SPIN1: variants seen among roughly 807,000 people sequenced by gnomAD.
The protein encoded by SPIN1 is spindlin-1.
In SPIN1, 3 loss-of-function variants were observed where a neutral mutation model predicts 26.0. The ratio of observed to expected loss-of-function variants is 0.12; its 90% confidence interval spans 0.05 to 0.30. SPIN1 has a LOEUF of 0.30. SPIN1 is among the 10% of genes least tolerant of loss of function. The probability of loss-of-function intolerance (pLI) is 1.00; values close to 1 mark genes in which losing one functional copy is unlikely to be tolerated. For synonymous variants in SPIN1, 101 were observed against 116.5 expected, an observed-to-expected ratio of 0.87 and a Z score of 0.86; for missense variants, 126 against 333.4, an observed-to-expected ratio of 0.38 and a Z score of 4.84.
chr9:88,396,055 C>T (rs1430007268), intron 1 of SPIN1, among the ~76,000 whole-genome samples: 1 of 146,322 alleles, frequency 6.8e-6, no homozygotes, highest in African/African-American at 2.5e-5. Flanking sequence ...TCAAAAACAA[C>T]AGCAACAACA....
intron 2 of SPIN1, among the ~76,000 whole-genome samples, chr9:88,439,229 A>G (rs1249887958): frequency 5.3e-5 from 8 of 152,180 alleles, no homozygotes; most frequent in Admixed American, 2.6e-4. Context: ...ATGGTATGCT[A>G]TATTTTTTAC....
chr9:88,474,923 C>A (rs1156328344), intron 5 of SPIN1, among the ~76,000 whole-genome samples, 155 bp from the exon 6 acceptor site: 1 of 151,824 alleles, frequency 6.6e-6, no homozygotes, highest in African/African-American at 2.4e-5. Flanking sequence ...TTTACGAAAA[C>A]GTTTGCTGAC....
chr9:88,443,378 C>G (rs1013331712), intron 2 of SPIN1, among the ~76,000 whole-genome samples: 1 of 152,158 alleles, frequency 6.6e-6, no homozygotes, highest in African/African-American at 2.4e-5. Flanking sequence ...CTCTTTGCTT[C>G]TGTTAAAGTG....
At chr9:88,435,262 C>T (rs1471335922) in intron 2 of SPIN1, among the ~76,000 whole-genome samples, 1 of 151,298 alleles carries the variant, frequency 6.6e-6, no homozygotes, top group African/African-American at 2.4e-5. Context: ...GTCACCCAGG[C>T]TGGAGAGCAG....
At chr9:88,419,510 A>C (rs553562605) in intron 1 of SPIN1, among the ~76,000 whole-genome samples, 3 of 152,294 alleles carry the variant, frequency 2.0e-5, no homozygotes, top group South Asian at 4.1e-4. Context: ...CTTGCTGAGA[A>C]GAAAAAAAAG....
At chr9:88,454,219 C>G (rs1311247459) in intron 3 of SPIN1, among the ~76,000 whole-genome samples, 1 of 151,914 alleles carries the variant, frequency 6.6e-6, no homozygotes, top group African/African-American at 2.4e-5. Context: ...AGACTCTTTC[C>G]CAAGAAAATA....
rs372801613 is a variant in SPIN1, at chr9:88,459,481, C to G, written c.102-3015C>G. Among the ~76,000 whole-genome samples, 3 of 152,020 alleles carry G rather than the reference C, an allele frequency of 2.0e-5. No individual in the cohort carries two copies. The East Asian group carries it at 5.8e-4, about 29-fold the overall frequency. ...ATATATATTGGTTCCTTACTGTGAA[C>G]AATACTGAATTTAGCTCTTTGTCAT... On this transcript the variant is annotated intron_variant, in intron 3 of 5. Coordinates refer to ENST00000375859, the MANE Select transcript of SPIN1 (RefSeq NM_006717.3).
chr9:88,396,113 G>A (rs1226824209), intron 1 of SPIN1, among the ~76,000 whole-genome samples: 1 of 150,884 alleles, frequency 6.6e-6, no homozygotes, highest in African/African-American at 2.4e-5. Context: ...GCCAGGCATG[G>A]TGGCCTGCGC....
At chr9:88,469,045 T>C (rs1011167711) in intron 5 of SPIN1, among the ~76,000 whole-genome samples, 2 of 152,206 alleles carry the variant, frequency 1.3e-5, no homozygotes, top group Non-Finnish European at 2.9e-5. Context: ...ATACTTGAAC[T>C]TCAGAGCAGC....
chr9:88,463,804 A>G (rs1158327458), intron 4 of SPIN1, among the ~76,000 whole-genome samples: 3 of 152,160 alleles, frequency 2.0e-5, no homozygotes, highest in Non-Finnish European at 2.9e-5. Context: ...GTTATTTTCA[A>G]CATTCTCATC....
chr9:88,411,984 G>A (rs1827457393), intron 1 of SPIN1, among the ~76,000 whole-genome samples: 1 of 150,902 alleles, frequency 6.6e-6, no homozygotes, highest in Non-Finnish European at 1.5e-5. Context: ...ATCCTGGCTA[G>A]TGCGGTGAAA....
intron 3 of SPIN1, among the ~76,000 whole-genome samples, chr9:88,451,641 A>G (rs1019004990): frequency 4.6e-5 from 7 of 152,026 alleles, no homozygotes; most frequent in Non-Finnish European, 8.8e-5. Flanking sequence ...GTTCACTGCA[A>G]CCTCCACCTC....
rs1294049382 is a variant in SPIN1, at chr9:88,388,783, G to A, written c.-159+245G>A. ...TTTGTTCGCCGGCCCCTACTCCTCC[G>A]TGCCCCCATCCCCGCCGCCCCCCGC... On this transcript the variant is annotated intron_variant, in intron 1 of 5. Transcript: ENST00000375859. Among the ~76,000 whole-genome samples, 4 of 149,878 alleles carry A rather than the reference G, an allele frequency of 2.7e-5. No individual in the cohort carries two copies. In the East Asian group the frequency reaches 5.9e-4, roughly 22 times the overall value.
intron 1 of SPIN1, among the ~76,000 whole-genome samples, chr9:88,395,849 A>C (rs1473025350): frequency 6.6e-6 from 1 of 151,724 alleles, no homozygotes; most frequent in Admixed American, 6.6e-5. Flanking sequence ...GAGTTCAAGA[A>C]CAGCCTGACC....
At chr9:88,442,020 C>G (rs1252482603) in intron 2 of SPIN1, among the ~76,000 whole-genome samples, 1 of 144,766 alleles carries the variant, frequency 6.9e-6, no homozygotes, top group Admixed American at 7.1e-5. Context: ...GATGTGATGT[C>G]GGCTCACTGC....
chr9:88,467,983 A>G (rs1457677063), intron 4 of SPIN1, among the ~76,000 whole-genome samples: 1 of 152,230 alleles, frequency 6.6e-6, no homozygotes, highest in Non-Finnish European at 1.5e-5. Flanking sequence ...CTATTTTTCC[A>G]GTTCTTCTGT....
chr9:88,426,273 A>G (rs1827764467), intron 1 of SPIN1, 109 bp from the exon 2 acceptor site: 1 of 279,916 alleles, frequency 3.6e-6, no homozygotes, highest in Admixed American at 5.1e-5. Flanking sequence ...CTTTGGGACA[A>G]AATGCACTTT....
At chr9:88,470,670 C>T (rs1828764810) in intron 5 of SPIN1, among the ~76,000 whole-genome samples, 1 of 150,296 alleles carries the variant, frequency 6.7e-6, no homozygotes. Flanking sequence ...TCTCAGCTTA[C>T]TGCAGCCTCC....
chr9:88,422,715 T>G (rs1358083524), intron 1 of SPIN1, among the ~76,000 whole-genome samples: 2 of 96,068 alleles, frequency 2.1e-5, no homozygotes, highest in African/African-American at 1.3e-4. Flanking sequence ...CTCTTTTTTC[T>G]TTTTTTTTTT....
Sources: gnomAD v4.1 joint callset for allele counts (sites outside exome capture counted in the v4.1 genomes callset) on GRCh38, gnomAD v4.1.1 for gene constraint, MANE v1.5 for transcripts, NCBI Gene and HGNC (gene_info 2026-07-23, HGNC 2026-07-21) for gene names.